The following BTAF1 variants were observed in gnomAD, a reference collection of about 807,000 sequenced individuals.
BTAF1 encodes B-TFIID TATA-box binding protein associated factor 1.
A neutral mutation model predicts 227.1 loss-of-function variants in BTAF1; 38 were observed. The observed-to-expected ratio is 0.17, with a 90% CI of 0.13 to 0.22. The LOEUF is 0.22. BTAF1 is among the 10% of genes least tolerant of loss of function. BTAF1 has a pLI of 1.00. For synonymous variants in BTAF1, 742 were observed against 751.9 expected, an observed-to-expected ratio of 0.99 and a Z score of 0.21; for missense variants, 1,598 against 2,204.0, an observed-to-expected ratio of 0.73 and a Z score of 5.51.
chr10:92,016,371 G>T lies in BTAF1; in HGVS notation c.4616G>T (p.Arg1539Leu). 1 of 1,598,808 alleles carries T rather than the reference G, an allele frequency of 6.3e-7. No individual in the cohort carries two copies. The highest frequency in any genetic ancestry group is 8.5e-7 in the Non-Finnish European group (1 of 1,173,842). The change falls in exon 33 of 38, where the codon CGT (arginine) becomes CTT (leucine). Residue 1539 changes from arginine to leucine, a missense_variant. Around this residue, in one of 10 missense-constraint regions of BTAF1, gnomAD observed 205 missense variants for 244.5 expected, o/e 0.84. Transcript: ENST00000265990. Reference sequence around the variant, plus strand: ...CTCTATGAAGATTTTGCTAAGTCTCGTGCCAAGTGTGATGTTGATGAAACA... The same window carrying T: ...CTCTATGAAGATTTTGCTAAGTCTCTTGCCAAGTGTGATGTTGATGAAACA... ...VQLYEDFAKSRAKCDVDETVS... is the reference protein window; with the variant it reads ...VQLYEDFAKSLAKCDVDETVS...
chr10:91,953,103 C>G (rs1845876786), intron 5 of BTAF1, among the ~76,000 whole-genome samples: 1 of 152,142 alleles, frequency 6.6e-6, no homozygotes, highest in Admixed American at 6.5e-5. Flanking sequence ...AAGACTGCAG[C>G]AGAACATCCA....
chr10:91,956,860 C>T (rs772938587), intron 7 of BTAF1, among the ~76,000 whole-genome samples: 3 of 152,010 alleles, frequency 2.0e-5, no homozygotes, highest in Non-Finnish European at 2.9e-5. Context: ...CGTGGTGGCA[C>T]GTGCCTGTAA....
intron 4 of BTAF1, among the ~76,000 whole-genome samples, chr10:91,948,999 T>C (rs1188024363): frequency 6.6e-6 from 1 of 152,136 alleles, no homozygotes; most frequent in Non-Finnish European, 1.5e-5. Context: ...TGAGCGTTGT[T>C]ATATTAGTTG....
At chr10:91,961,874 C>T (rs1184274728) in intron 11 of BTAF1, among the ~76,000 whole-genome samples, 1 of 151,768 alleles carries the variant, frequency 6.6e-6, no homozygotes, top group Non-Finnish European at 1.5e-5. Context: ...TCTCATTTTC[C>T]TTTTGGTTGT....
Position 91,943,246 on chromosome 10 carries a change from G to A in BTAF1, c.400+678G>A, listed in dbSNP as rs539652196. On this transcript the variant is annotated intron_variant, in intron 4 of 37. Transcript: ENST00000265990. Reference sequence around the variant, plus strand: ...GGAGAATTGCTTGAACTTGGGAGGCGGAGGTTGCAGTGAGCCGAGATCACA... The same window carrying A: ...GGAGAATTGCTTGAACTTGGGAGGCAGAGGTTGCAGTGAGCCGAGATCACA... Among the ~76,000 whole-genome samples the A allele has an allele frequency of 1.3e-4, 19 of 151,396 alleles. No individual in the cohort carries two copies. In the East Asian group the frequency reaches 2.7e-3, roughly 22 times the overall value.
intron 3 of BTAF1, 57 bp downstream of exon 3, chr10:91,940,123 T>C (rs1218970240): frequency 1.9e-6 from 2 of 1,073,174 alleles, no homozygotes; most frequent in African/African-American, 3.2e-5. Context: ...GAATTAATTA[T>C]AATATGCGTT....
intron 3 of BTAF1, among the ~76,000 whole-genome samples, chr10:91,941,210 G>T (rs1371796652): frequency 6.6e-6 from 1 of 151,966 alleles, no homozygotes; most frequent in African/African-American, 2.4e-5. Flanking sequence ...CACTTAGTTT[G>T]GTATGTAAAG....
intron 28 of BTAF1, among the ~76,000 whole-genome samples, 153 bp downstream of exon 28, chr10:92,009,361 A>G (rs1850147994): frequency 6.6e-6 from 1 of 152,262 alleles, no homozygotes; most frequent in African/African-American, 2.4e-5. Context: ...TTGGGAAGAT[A>G]TAATCAGTGA....
intron 4 of BTAF1, among the ~76,000 whole-genome samples, chr10:91,949,998 C>T (rs1037764680): frequency 7.9e-5 from 12 of 151,870 alleles, no homozygotes; most frequent in African/African-American, 2.7e-4. Context: ...AAAAATTAGC[C>T]AGGAATGGTG....
chr10:91,971,838 A>T (rs1049371174), intron 14 of BTAF1, among the ~76,000 whole-genome samples: 2 of 148,580 alleles, frequency 1.3e-5, no homozygotes, highest in Non-Finnish European at 3.0e-5. Flanking sequence ...AAATTTTGGG[A>T]TTTTTTTTTT....
rs1843967318 is a variant in BTAF1 at position 91,927,960 on chromosome 10, T to A, written c.14+3870T>A. 5.4e-5 allele frequency among the ~76,000 whole-genome samples: 8 copies of A among 149,116 alleles called. No homozygotes were observed. The South Asian group carries it at 1.7e-3, about 32-fold the overall frequency. ...TCCAGTGTTTTTCAGTGAGTACTTT[T>A]GAGTTTAACTGCCTTTTTTCTTTTT... is the stretch of plus-strand genomic sequence containing the variant. On this transcript the variant is annotated intron_variant, in intron 1 of 37. Transcript: ENST00000265990.
At chr10:91,967,527 T>C (rs1847006893) in intron 14 of BTAF1, among the ~76,000 whole-genome samples, 1 of 152,230 alleles carries the variant, frequency 6.6e-6, no homozygotes, top group Non-Finnish European at 1.5e-5. Context: ...GTTCACTAAC[T>C]GGATTCTCAT....
chr10:91,981,423 C>CT (rs933327647), intron 15 of BTAF1, among the ~76,000 whole-genome samples: 47 of 150,750 alleles, frequency 3.1e-4, no homozygotes, highest in African/African-American at 9.2e-4. Context: ...GAATTGTGTT[C>CT]TTTTTTTAAA....
chr10:91,988,751 G>A (rs1298737425), intron 19 of BTAF1, among the ~76,000 whole-genome samples: 1 of 152,196 alleles, frequency 6.6e-6, no homozygotes, highest in African/African-American at 2.4e-5. Flanking sequence ...TTTTAGAGTT[G>A]AAAAGAATAT....
intron 3 of BTAF1, among the ~76,000 whole-genome samples, chr10:91,942,016 G>A (rs1397699396): frequency 3.3e-5 from 5 of 152,310 alleles, no homozygotes; most frequent in African/African-American, 9.6e-5. Flanking sequence ...GCTTACGCCT[G>A]TAAATTCCAG....
In BTAF1 at chr10:92,011,318, A is replaced by G; in HGVS notation, c.4214A>G (p.Glu1405Gly). The G allele has an allele frequency of 6.7e-7, 1 of 1,500,050 alleles. No individual in the cohort carries two copies. The highest frequency in any genetic ancestry group is 1.4e-5 in the South Asian group (1 of 73,664). The allele number at this position is 1,500,050 out of a possible 1,614,324, so 92.9% of individuals were successfully genotyped here. ...NIKFNYCILD[E>G]GHVIKNGKTK... ...AAATTTAACTACTGCATTCTTGATG[A>G]AGGCCATGTCATCAAAAATGGAAAA... The change falls in exon 30 of 38, where the codon GAA becomes GGA. Residue 1405 changes from glutamate to glycine, a missense_variant. Glu to Gly is a moderately conservative substitution (Grantham distance 98). This residue lies in a region of BTAF1 where 184 missense variants were observed against 341.1 expected (regional missense o/e 0.54). Transcript: ENST00000265990.
chr10:91,952,497 T>C (rs1030626880), intron 5 of BTAF1, among the ~76,000 whole-genome samples: 9 of 152,186 alleles, frequency 5.9e-5, no homozygotes, highest in African/African-American at 2.2e-4. Context: ...CCCAGTATTC[T>C]TTTAGGGGTC....
Position 91,959,051 on chromosome 10 carries a change from TTTG to T in BTAF1, c.901-11_901-9del. On this transcript the variant is annotated splice_polypyrimidine_tract_variant and intron_variant, in intron 8 of 37. Coordinates refer to ENST00000265990, the MANE Select transcript of BTAF1 (RefSeq NM_003972.3). ...ACATTTAACATCTGACATTTGCTTCTTTGTTCTTTTCAGGTTCGACATGGTGCA... is the reference window on the plus strand; with the variant it reads ...ACATTTAACATCTGACATTTGCTTCTTTCTTTTCAGGTTCGACATGGTGCA... The T allele has an allele frequency of 3.1e-6, 5 of 1,610,634 alleles. No individual in the cohort carries two copies. The highest frequency in any genetic ancestry group is 4.2e-6 in the Non-Finnish European group (5 of 1,177,620).
chr10:91,949,729 A>T (rs1256459552), intron 4 of BTAF1, among the ~76,000 whole-genome samples: 1 of 152,106 alleles, frequency 6.6e-6, no homozygotes, highest in Admixed American at 6.5e-5. Context: ...GTTTACAGAG[A>T]ATTTTGGCCC....
Sources: gnomAD v4.1 joint callset for allele counts (sites outside exome capture counted in the v4.1 genomes callset) on GRCh38, gnomAD v4.1.1 for gene constraint, gnomAD v4.1.1 regional missense constraint, MANE v1.5 for transcripts, NCBI Gene and HGNC (gene_info 2026-07-23, HGNC 2026-07-21) for gene names.